TRPM3: variants seen among roughly 807,000 people sequenced by gnomAD.
TRPM3 encodes long transient receptor potential channel 3.
A neutral mutation model predicts 181.2 loss-of-function variants in TRPM3; 77 were observed. That is an observed-to-expected ratio of 0.42 (90% CI 0.35 to 0.51). The LOEUF (loss-of-function observed/expected upper bound fraction) is 0.51, where lower values mean the gene tolerates loss of function less well. Among genes scored for constraint, TRPM3 ranks in the 20% least tolerant of loss-of-function variants. TRPM3 has a pLI of 0.01. For synonymous variants in TRPM3, 745 were observed against 796.4 expected (o/e 0.94, Z 1.09); for missense variants, 1,759 against 2,196.7 (o/e 0.80, Z 3.98).
At chr9:71,428,144 T>C (rs1191954902) in intron 1 of TRPM3, among the ~76,000 whole-genome samples, 2 of 151,998 alleles carry the variant, frequency 1.3e-5, no homozygotes, top group South Asian at 2.1e-4. Context: ...CAGGCTGCAG[T>C]GCAATGGTGC....
chr9:71,268,052 A>G lies in TRPM3; in HGVS notation c.183+178601T>C, dbSNP rs534861211. ...CAAATATGCTGGGAAACCTTGAAATATTTTACATTGATTAAAATGGCTTTG... is the reference window on the plus strand; with the variant it reads ...CAAATATGCTGGGAAACCTTGAAATGTTTTACATTGATTAAAATGGCTTTG... On this transcript the variant is annotated intron_variant, in intron 1 of 24. Coordinates refer to the TRPM3 transcript ENST00000357533. 3.9e-5 allele frequency among the ~76,000 whole-genome samples: 6 copies of G among 152,326 alleles called. No individual in the cohort carries two copies. In the South Asian group the frequency reaches 6.2e-4, roughly 16 times the overall value.
In TRPM3 at chr9:70,841,646, A is replaced by G. The variant is rs1216022520; in HGVS notation, c.801+1357T>C. Among the ~76,000 whole-genome samples the G allele has an allele frequency of 2.3e-5, 3 of 131,858 alleles. No individual in the cohort carries two copies. In the East Asian group the frequency reaches 6.1e-4, roughly 27 times the overall value. 86.5% of individuals were successfully genotyped at this position (131,858 alleles called of 152,430 possible). ...CCACTATATATATATATATATATAT[A>G]TATATATATATATATCCCACCATAT... is the stretch of plus-strand genomic sequence containing the variant. On this transcript the variant is annotated intron_variant, in intron 5 of 25. Coordinates refer to ENST00000677713, the MANE Select transcript of TRPM3 (RefSeq NM_001366145.2).
chr9:70,741,772 G>A (rs1166148561), intron 8 of TRPM3, among the ~76,000 whole-genome samples: 1 of 152,148 alleles, frequency 6.6e-6, no homozygotes, highest in Non-Finnish European at 1.5e-5. Context: ...GAGCTAAGCT[G>A]TGAGGATGCA....
rs374406900 is a variant in TRPM3 at position 70,806,316 on chromosome 9, C to A, written c.973+21531G>T. Among the ~76,000 whole-genome samples, 76 of 152,160 alleles carry A rather than the reference C, an allele frequency of 5.0e-4. 2 individuals are homozygous for A. Among genetic ancestry groups the A allele is most frequent in the African/African-American group, 1.6e-3 (67 of 41,490 alleles). ...AAAAAATCAACTGTTCCTTATTTGG[C>A]CATTTTAGGGCATAAAATCTCTGTT... On this transcript the variant is annotated intron_variant, in intron 6 of 25. Transcript: ENST00000677713.
intron 1 of TRPM3, among the ~76,000 whole-genome samples, chr9:71,190,822 G>A (rs1014145116): frequency 6.6e-6 from 1 of 151,722 alleles, no homozygotes; most frequent in Admixed American, 6.6e-5. Context: ...CCTGGGCAAC[G>A]TCCTGTAAGG....
intron 1 of TRPM3, among the ~76,000 whole-genome samples, chr9:71,226,009 T>TAAAAAA: frequency 2.3e-4 from 8 of 34,706 alleles, no homozygotes; most frequent in Admixed American, 9.1e-4. Flanking sequence ...CAACAAAAGG[T>TAAAAAA]AAAAAAAAAA....
chr9:70,773,198 A>G (rs1167729345), intron 7 of TRPM3, among the ~76,000 whole-genome samples: 1 of 152,176 alleles, frequency 6.6e-6, no homozygotes, highest in Non-Finnish European at 1.5e-5. Context: ...AACCTCCTGC[A>G]GTTACTGGGT....
At chr9:70,905,449 G>A (rs1482258931) in intron 1 of TRPM3, among the ~76,000 whole-genome samples, 1 of 152,110 alleles carries the variant, frequency 6.6e-6, no homozygotes, top group Admixed American at 6.5e-5. Flanking sequence ...TCCTATGTTA[G>A]AATTTTTACA....
intron 1 of TRPM3, among the ~76,000 whole-genome samples, chr9:71,225,386 T>C (rs1225487927): frequency 6.6e-6 from 1 of 151,820 alleles, no homozygotes; most frequent in African/African-American, 2.4e-5. Context: ...AGTAAATATA[T>C]CCTTCAAACA....
In TRPM3 at chr9:70,905,797, C is replaced by A. The variant is rs375129598; in HGVS notation, c.178-41286G>T. On this transcript the variant is annotated intron_variant, in intron 1 of 25. Transcript: ENST00000677713. ...TTGCTGTGGCACCCAGGCTGGAGTG[C>A]GGTGGTGCAATTGCAGCTCACTGTT... Among the ~76,000 whole-genome samples, 4 of 151,342 alleles carry A rather than the reference C, an allele frequency of 2.6e-5. No individual in the cohort carries two copies. In the South Asian group the frequency reaches 8.5e-4, roughly 32 times the overall value.
chr9:71,212,110 T>C (rs1298399008), intron 1 of TRPM3, among the ~76,000 whole-genome samples: 1 of 152,082 alleles, frequency 6.6e-6, no homozygotes, highest in Non-Finnish European at 1.5e-5. Context: ...ATGGTTTTTT[T>C]GTTTTGTTTT....
chr9:70,788,732 G>T (rs2084556896), intron 6 of TRPM3, among the ~76,000 whole-genome samples: 1 of 151,976 alleles, frequency 6.6e-6, no homozygotes, highest in South Asian at 2.1e-4. Context: ...CTCATCTAGG[G>T]TTCCCATGGT....
chr9:70,780,538 T>G (rs2082242632), intron 7 of TRPM3, among the ~76,000 whole-genome samples: 1 of 152,118 alleles, frequency 6.6e-6, no homozygotes, highest in African/African-American at 2.4e-5. Context: ...GGCCATTTTT[T>G]TTTTCTCTTA....
At chr9:70,920,517 A>T (rs1454571778) in intron 1 of TRPM3, among the ~76,000 whole-genome samples, 2 of 152,188 alleles carry the variant, frequency 1.3e-5, no homozygotes, top group African/African-American at 4.8e-5. Context: ...ACTCTTTAAC[A>T]TGGAGCTAAA....
rs1220275139 is a variant in TRPM3 at position 70,536,345 on chromosome 9, C to A, written c.4768G>T (p.Asp1590Tyr). The A allele has an allele frequency of 1.9e-6, 3 of 1,614,048 alleles. No homozygotes were observed. The highest frequency in any genetic ancestry group is 2.5e-6 in the Non-Finnish European group (3 of 1,180,004). The change falls in exon 26 of 26, where the codon GAC becomes TAC. Residue 1590 changes from aspartate (D) to tyrosine (Y), a missense_variant. Around this residue, in one of 8 missense-constraint regions of TRPM3, gnomAD observed 612 missense variants for 590.0 expected, o/e 1.04. Transcript: ENST00000677713. Reference protein sequence around the residue: ...FPGGLGDKVEDLTCCHPEREA... With the variant: ...FPGGLGDKVEYLTCCHPEREA... The stretch of plus-strand genomic sequence containing the variant: ...CGCTCTGGATGGCAGCAAGTTAAGT[C>A]CTCCACTTTGTCTCCAAGACCTCCA...
intron 1 of TRPM3, among the ~76,000 whole-genome samples, chr9:71,346,397 T>G (rs549015217): frequency 6.6e-6 from 1 of 152,228 alleles, no homozygotes; most frequent in African/African-American, 2.4e-5. Context: ...AGTTTGCTGC[T>G]TCTATAGTCT....
chr9:71,103,920 T>A (rs1191151605), intron 1 of TRPM3, among the ~76,000 whole-genome samples: 1 of 119,218 alleles, frequency 8.4e-6, no homozygotes, highest in Non-Finnish European at 1.8e-5. Flanking sequence ...GCAGCAATCC[T>A]TTTTTTTTTT....
At chr9:71,020,845 C>T (rs573005339) in intron 1 of TRPM3, among the ~76,000 whole-genome samples, 1 of 152,234 alleles carries the variant, frequency 6.6e-6, no homozygotes, top group South Asian at 2.1e-4. Context: ...TTCTCATAGT[C>T]TACAGTAATT....
At chr9:70,787,763 C>CTTTT in intron 6 of TRPM3, among the ~76,000 whole-genome samples, 2 of 68,544 alleles carry the variant, frequency 2.9e-5, no homozygotes, top group African/African-American at 1.2e-4. Flanking sequence ...TTTTTGGATT[C>CTTTT]TTTTTTTTTT....
Sources: gnomAD v4.1 joint callset for allele counts (sites outside exome capture counted in the v4.1 genomes callset) on GRCh38, gnomAD v4.1.1 for gene constraint, gnomAD v4.1.1 regional missense constraint, MANE v1.5 for transcripts, NCBI Gene and HGNC (gene_info 2026-07-23, HGNC 2026-07-21) for gene names.